PLSCR1: variants seen among roughly 807,000 people sequenced by gnomAD.
PLSCR1 encodes the protein phospholipid scramblase 1.
In PLSCR1, 17 loss-of-function variants were observed where a neutral mutation model predicts 37.8. That is an observed-to-expected ratio of 0.45 (90% CI 0.31 to 0.68). PLSCR1 has a LOEUF of 0.68. Ranked by LOEUF, PLSCR1 falls within the 30% of genes least tolerant of loss-of-function variation. The pLI is 0.06. For missense variants in PLSCR1, 347 were observed against 380.9 expected, an observed-to-expected ratio of 0.91 and a Z score of 0.74; for synonymous variants, 116 against 125.9, an observed-to-expected ratio of 0.92 and a Z score of 0.53.
At chr3:146,538,524 T>A (rs1397190691) in intron 1 of PLSCR1, among the ~76,000 whole-genome samples, 3 of 152,174 alleles carry the variant, frequency 2.0e-5, no homozygotes, top group African/African-American at 7.2e-5. Flanking sequence ...TCTTATAGGA[T>A]ACCTCTCTAT....
chr3:146,538,211 AG>A (rs1250045939), intron 1 of PLSCR1, among the ~76,000 whole-genome samples: 2 of 152,230 alleles, frequency 1.3e-5, no homozygotes, highest in African/African-American at 4.8e-5. Context: ...CTATAAGGTG[AG>A]CAATAATAAA....
chr3:146,543,588 G>A (rs2044365352), intron 1 of PLSCR1, among the ~76,000 whole-genome samples: 1 of 152,222 alleles, frequency 6.6e-6, no homozygotes, highest in African/African-American at 2.4e-5. Context: ...ACTGGGAAGT[G>A]GCCATGCCAA....
intron 7 of PLSCR1, 33 bp from the exon 8 acceptor site, chr3:146,517,200 TAGGAAAC>T: frequency 7.8e-7 from 1 of 1,286,526 alleles, no homozygotes; most frequent in Non-Finnish European, 1.1e-6. Flanking sequence ...TAAATACTTT[TAGGAAAC>T]TTATAGCAAA....
chr3:146,528,878 A>T, intron 3 of PLSCR1, 47 bp from the exon 4 acceptor site: 3 of 1,423,672 alleles, frequency 2.1e-6, no homozygotes, highest in Non-Finnish European at 2.9e-6. Flanking sequence ...CCAAAAATGG[A>T]ATTGTCAACC....
intron 1 of PLSCR1, among the ~76,000 whole-genome samples, chr3:146,538,245 A>T (rs976154605): frequency 6.6e-6 from 1 of 152,212 alleles, no homozygotes; most frequent in South Asian, 2.1e-4. Flanking sequence ...AAGTAGACTA[A>T]AAGTTTTCAA....
chr3:146,540,855 T>C (rs556747661), intron 1 of PLSCR1: 57 of 152,298 alleles, frequency 3.7e-4, no homozygotes, highest in African/African-American at 1.3e-3. Flanking sequence ...CAGGGGAACA[T>C]TACAGAGGTA....
intron 5 of PLSCR1, 69 bp downstream of exon 5, chr3:146,525,536 G>T (rs1160442540): frequency 5.1e-6 from 4 of 784,760 alleles, no homozygotes; most frequent in Non-Finnish European, 9.0e-6. Context: ...ATTTGTGGAG[G>T]TCAATGTGCC....
intron 5 of PLSCR1, among the ~76,000 whole-genome samples, 162 bp from the exon 6 acceptor site, chr3:146,522,215 C>CA (rs141664813): frequency 0.075 from 11,325 of 150,380 alleles, 522 homozygotes; most frequent in African/African-American, 0.14. Flanking sequence ...AGAAAAATGG[C>CA]AAAAAAAAGG....
At chr3:146,522,313 T>C (rs1414495477) in intron 5 of PLSCR1, among the ~76,000 whole-genome samples, 1 of 152,142 alleles carries the variant, frequency 6.6e-6, no homozygotes, top group Non-Finnish European at 1.5e-5. Flanking sequence ...TAGAAAGAAG[T>C]AGACATAAGA....
Position 146,515,937 on chromosome 3 carries a change from T to C in PLSCR1, c.*108A>G. 1 of 653,146 alleles carries C rather than the reference T, an allele frequency of 1.5e-6. No homozygotes were observed. Among genetic ancestry groups the C allele is most frequent in the Non-Finnish European group, 2.7e-6 (1 of 372,560 alleles). The allele number at this position is 653,146 out of a possible 1,614,324, so 40.5% of individuals were successfully genotyped here. On this transcript the variant is annotated 3_prime_UTR_variant, in exon 9 of 9. Transcript: ENST00000342435. ...AACTATAATTTGAAAAGCAAAAGTA[T>C]ACAACCAGAGCTACAGGCCTTACAG...
chr3:146,516,694 C>T (rs2043951602), intron 8 of PLSCR1: 1 of 201,530 alleles, frequency 5.0e-6, no homozygotes, highest in Non-Finnish European at 9.8e-6. Flanking sequence ...CCACATATGC[C>T]TACTTTCAAC....
chr3:146,523,672 A>G (rs2044065221), intron 5 of PLSCR1, among the ~76,000 whole-genome samples: 1 of 152,336 alleles, frequency 6.6e-6, no homozygotes, highest in South Asian at 2.1e-4. Flanking sequence ...GCTTCAACTC[A>G]CAGAATATCT....
At chr3:146,537,958 G>T (rs1360896453) in intron 1 of PLSCR1, 1 of 152,130 alleles carries the variant, frequency 6.6e-6, no homozygotes, top group Non-Finnish European at 1.5e-5. Context: ...AAAGTCTTAA[G>T]AACATTCCAA....
At chr3:146,520,005 ATTACT>A (rs550994919) in intron 7 of PLSCR1, among the ~76,000 whole-genome samples, 58 of 152,112 alleles carry the variant, frequency 3.8e-4, no homozygotes, top group African/African-American at 1.3e-3. Flanking sequence ...TATCTCTTTT[ATTACT>A]TCAAGTTTCC....
chr3:146,521,117 T>G (rs1452224812), intron 7 of PLSCR1, among the ~76,000 whole-genome samples: 1 of 152,154 alleles, frequency 6.6e-6, no homozygotes, highest in Non-Finnish European at 1.5e-5. Context: ...ATTGGGCTTC[T>G]TGTAGGAATT....
At chr3:146,517,889 G>C (rs1475624434) in intron 7 of PLSCR1, among the ~76,000 whole-genome samples, 2 of 152,168 alleles carry the variant, frequency 1.3e-5, no homozygotes, top group Non-Finnish European at 2.9e-5. Context: ...TCCTCTAGGA[G>C]GGCAGGTGGG....
At chr3:146,525,121 A>G (rs2044088800) in intron 5 of PLSCR1, among the ~76,000 whole-genome samples, 1 of 152,208 alleles carries the variant, frequency 6.6e-6, no homozygotes, top group Non-Finnish European at 1.5e-5. Flanking sequence ...GCATCCTCCC[A>G]CACTGCAGTG....
At chr3:146,522,923 C>A (rs1576783843) in intron 5 of PLSCR1, among the ~76,000 whole-genome samples, 1 of 152,210 alleles carries the variant, frequency 6.6e-6, no homozygotes, top group African/African-American at 2.4e-5. Flanking sequence ...ATCAAAAGCA[C>A]AGCACCTTTT....
In PLSCR1 at chr3:146,516,123, C is replaced by A. The variant is rs372195896; in HGVS notation, c.901-22G>T. On this transcript the variant is annotated intron_variant, in intron 8 of 8. Transcript: ENST00000342435. ...AGTCCTAGATAAAAACAAAAGTATACAAATGAATTTTCAACAACAAAACAG... is the reference window on the plus strand; with the variant it reads ...AGTCCTAGATAAAAACAAAAGTATAAAAATGAATTTTCAACAACAAAACAG... 2.6e-6 allele frequency: 4 copies of A among 1,533,790 alleles called. No individual in the cohort carries two copies. The African/African-American group carries it at 4.1e-5, about 16-fold the overall frequency.
Sources: gnomAD v4.1 joint callset for allele counts (sites outside exome capture counted in the v4.1 genomes callset) on GRCh38, gnomAD v4.1.1 for gene constraint, MANE v1.5 for transcripts, NCBI Gene and HGNC (gene_info 2026-07-23, HGNC 2026-07-21) for gene names.